NPAS3: variants seen among roughly 807,000 people sequenced by gnomAD.
The protein encoded by NPAS3 is neuronal PAS domain-containing protein 3.
NPAS3 carries 14 observed loss-of-function variants against 73.1 expected under a neutral mutation model. The ratio of observed to expected loss-of-function variants is 0.19; its 90% CI spans 0.13 to 0.30. The LOEUF (loss-of-function observed/expected upper bound fraction) is 0.30, where lower values mean the gene tolerates loss of function less well. Among genes scored for constraint, NPAS3 ranks in the 10% least tolerant of loss-of-function variants. The pLI, the probability that NPAS3 is intolerant of heterozygous loss-of-function variation, is 1.00. For synonymous variants in NPAS3, 620 were observed against 541.5 expected, an observed-to-expected ratio of 1.14 and a Z score of -2.01; for missense variants, 1,096 against 1,250.0, an observed-to-expected ratio of 0.88 and a Z score of 1.86.
chr14:33,000,176 T>G (rs1314492302), intron 1 of NPAS3, among the ~76,000 whole-genome samples: 1 of 152,106 alleles, frequency 6.6e-6, no homozygotes, highest in East Asian at 1.9e-4. Flanking sequence ...TATTTTTATT[T>G]TTATTTTTAT....
intron 3 of NPAS3, among the ~76,000 whole-genome samples, chr14:33,287,003 G>C (rs1246742171): frequency 6.6e-6 from 1 of 152,026 alleles, no homozygotes; most frequent in Non-Finnish European, 1.5e-5. Context: ...GGTTAGCAAT[G>C]CTCGGGAAAA....
intron 3 of NPAS3, among the ~76,000 whole-genome samples, chr14:33,294,047 T>A (rs2042199537): frequency 6.6e-6 from 1 of 152,142 alleles, no homozygotes; most frequent in South Asian, 2.1e-4. Flanking sequence ...CTGAATAAGA[T>A]GGTACCATGA....
chr14:33,662,269 G>C (rs751063042), intron 5 of NPAS3, among the ~76,000 whole-genome samples: 21 of 152,172 alleles, frequency 1.4e-4, no homozygotes, highest in Non-Finnish European at 2.5e-4. Flanking sequence ...AGTTAAAAGG[G>C]CATTATTGAA....
chr14:33,759,917 A>G (rs866458682), intron 7 of NPAS3, among the ~76,000 whole-genome samples: 1 of 152,228 alleles, frequency 6.6e-6, no homozygotes, highest in Non-Finnish European at 1.5e-5. Flanking sequence ...ATTTTTATTT[A>G]AGCATATATA....
In NPAS3 at chr14:33,751,419, T is replaced by C. The variant is rs577006715; in HGVS notation, c.852+16087T>C. ...CACATTGCTCATATAAATAGACATT[T>C]GGAGAAGAGCAATATGATCCTAGAA... On this transcript the variant is annotated intron_variant, in intron 7 of 11. Coordinates refer to ENST00000356141, the Ensembl canonical transcript of NPAS3. Among the ~76,000 whole-genome samples the C allele has an allele frequency of 3.9e-5, 6 of 152,234 alleles. No individual in the cohort carries two copies. The East Asian group carries it at 1.2e-3, about 29-fold the overall frequency.
At chr14:33,267,244 T>G (rs2040859729) in intron 3 of NPAS3, among the ~76,000 whole-genome samples, 1 of 152,204 alleles carries the variant, frequency 6.6e-6, no homozygotes, top group Non-Finnish European at 1.5e-5. Context: ...TAGAAGATAT[T>G]GCTTCCAGCT....
At chr14:33,678,786 G>A (rs2059846587) in intron 6 of NPAS3, among the ~76,000 whole-genome samples, 1 of 149,540 alleles carries the variant, frequency 6.7e-6, no homozygotes, top group African/African-American at 2.5e-5. Flanking sequence ...CTGTAAACCA[G>A]TTCTGCTAGA....
chr14:33,799,794 C>T (rs1361811134), exon 12 of NPAS3: 1 of 1,611,406 alleles, frequency 6.2e-7, no homozygotes, highest in Non-Finnish European at 8.5e-7. Context: ...AGCGAAGACC[C>T]GGAGCCCGAC....
rs527302219 is a variant in NPAS3, at chr14:33,134,459, A to G, written c.140+78465A>G. On this transcript the variant is annotated intron_variant, in intron 2 of 11. Transcript: ENST00000356141. ...TTGAAAAGCACAGTTTTGTAGGCAA[A>G]TACTTTATCTAAATGGTTTTTTCAC... Among the ~76,000 whole-genome samples, 20 of 152,318 alleles carry G rather than the reference A, an allele frequency of 1.3e-4. No homozygotes were observed. The East Asian group carries it at 3.7e-3, about 28-fold the overall frequency.
intron 4 of NPAS3, among the ~76,000 whole-genome samples, chr14:33,442,543 G>GT (rs1429297816): frequency 6.6e-6 from 1 of 152,208 alleles, no homozygotes; most frequent in Non-Finnish European, 1.5e-5. Context: ...CATGAGGGTG[G>GT]TTCCCCCATG....
intron 6 of NPAS3, among the ~76,000 whole-genome samples, chr14:33,700,261 G>A (rs1481795581): frequency 2.6e-5 from 4 of 152,034 alleles, no homozygotes; most frequent in East Asian, 1.9e-4. Flanking sequence ...TGTCTACCTC[G>A]CTGCTTCACA....
At chr14:33,021,895 A>G (rs536919199) in intron 1 of NPAS3, among the ~76,000 whole-genome samples, 29 of 152,350 alleles carry the variant, frequency 1.9e-4, no homozygotes, top group African/African-American at 7.0e-4. Context: ...TATTTTATAC[A>G]TGTAAAGGCT....
intron 3 of NPAS3, among the ~76,000 whole-genome samples, chr14:33,366,263 A>T (rs1023259950): frequency 4.6e-5 from 7 of 151,952 alleles, no homozygotes; most frequent in African/African-American, 1.7e-4. Flanking sequence ...ACTCCATTAA[A>T]TTTTTTTAAA....
At chr14:33,605,482 A>G (rs2057530513) in intron 5 of NPAS3, among the ~76,000 whole-genome samples, 1 of 152,040 alleles carries the variant, frequency 6.6e-6, no homozygotes, top group African/African-American at 2.4e-5. Flanking sequence ...AAAGACTACT[A>G]GATCTGGTTG....
At chr14:33,332,767 T>G (rs936421422) in intron 3 of NPAS3, among the ~76,000 whole-genome samples, 2 of 152,196 alleles carry the variant, frequency 1.3e-5, no homozygotes, top group Non-Finnish European at 2.9e-5. Context: ...TTGAATTGTT[T>G]CACTAGGACC....
chr14:33,329,346 G>A (rs1411315991), intron 3 of NPAS3, among the ~76,000 whole-genome samples: 1 of 152,146 alleles, frequency 6.6e-6, no homozygotes, highest in Non-Finnish European at 1.5e-5. Context: ...TGATAAGTAC[G>A]ATGAAGAAAT....
chr14:33,044,861 A>G lies in NPAS3; in HGVS notation c.51-11044A>G, dbSNP rs539484826. On this transcript the variant is annotated intron_variant, in intron 1 of 11. Coordinates refer to ENST00000356141, the Ensembl canonical transcript of NPAS3. ...AAAGTGACTATAAAATACAGTAGCC[A>G]CAGGAAGTTTGGAGTTTCTCTTTCA... Among the ~76,000 whole-genome samples the G allele has an allele frequency of 7.9e-5, 12 of 152,310 alleles. No individual in the cohort carries two copies. In the East Asian group the frequency reaches 1.4e-3, roughly 17 times the overall value.
At chr14:33,578,987 A>G (rs1595196868) in intron 5 of NPAS3, among the ~76,000 whole-genome samples, 4 of 152,380 alleles carry the variant, frequency 2.6e-5, no homozygotes, top group African/African-American at 7.2e-5. Context: ...GCTCAATGTC[A>G]GCAGTATGAG....
At chr14:33,118,045 C>T (rs543216176) in intron 2 of NPAS3, among the ~76,000 whole-genome samples, 1 of 152,152 alleles carries the variant, frequency 6.6e-6, no homozygotes, top group East Asian at 1.9e-4. Flanking sequence ...AACTAAATCT[C>T]AAGTTTTGGG....
Sources: gnomAD v4.1 joint callset for allele counts (sites outside exome capture counted in the v4.1 genomes callset) on GRCh38, gnomAD v4.1.1 for gene constraint, MANE v1.5 for transcripts, NCBI Gene and HGNC (gene_info 2026-07-23, HGNC 2026-07-21) for gene names.